The following CPZ variants were observed in gnomAD, a reference collection of about 807,000 sequenced individuals.
CPZ encodes the protein carboxypeptidase Z, also known as VEZT/CPZ fusion.
CPZ carries 103 observed loss-of-function variants against 61.8 expected under a neutral mutation model. The ratio of observed to expected loss-of-function variants is 1.67; its 90% CI spans 1.42 to 1.96. The LOEUF (loss-of-function observed/expected upper bound fraction) is 1.96. CPZ is among the 30% of genes most tolerant of loss of function. CPZ has a pLI of 0.00. For synonymous variants in CPZ, 551 were observed against 373.7 expected, an observed-to-expected ratio of 1.47 and a Z score of -5.47; for missense variants, 1,461 against 914.9, an observed-to-expected ratio of 1.60 and a Z score of -7.70.
intron 2 of CPZ, 116 bp downstream of exon 2, chr4:8,599,601 A>G: frequency 1.3e-6 from 2 of 1,529,242 alleles, no homozygotes; most frequent in Non-Finnish European, 1.8e-6. Context: ...TGGATAACAC[A>G]GCCCATTAAT....
intron 4 of CPZ, among the ~76,000 whole-genome samples, chr4:8,605,615 C>T (rs897701844): frequency 3.6e-4 from 51 of 141,706 alleles, no homozygotes; most frequent in African/African-American, 1.3e-3. Context: ...TCCATCCATC[C>T]ATCCATCCAT....
rs761694641 is a variant in CPZ at position 8,606,786 on chromosome 4, T to C, written c.956T>C (p.Leu319Pro). 3.7e-6 allele frequency: 6 copies of C among 1,614,060 alleles called. No individual in the cohort carries two copies. In the Admixed American group the frequency reaches 1.0e-4, roughly 27 times the overall value. ...AGCGGGAGGCAGAACGCGCAGAACC[T>C]GGATCTGAACCGAAATTTCCCGGAC... Reference protein sequence around the residue: ...WTSGRQNAQNLDLNRNFPDLT... With the variant: ...WTSGRQNAQNPDLNRNFPDLT... Residue 319 changes from leucine to proline, a missense_variant, in exon 6 of 11, where the codon CTG becomes CCG. Leu to Pro is a moderately conservative substitution (Grantham distance 98, BLOSUM62 -3). Transcript: ENST00000360986.
intron 6 of CPZ, 134 bp from the exon 7 acceptor site, chr4:8,607,133 C>T: frequency 8.5e-7 from 1 of 1,172,190 alleles, no homozygotes. Context: ...GGGGCCGAGT[C>T]CAGCTGGTGC....
chr4:8,615,833 G>T (rs3756160), intron 9 of CPZ, among the ~76,000 whole-genome samples: 1 of 151,992 alleles, frequency 6.6e-6, no homozygotes, highest in African/African-American at 2.4e-5. Flanking sequence ...AGAATCGAGC[G>T]AACTCCCTGG....
In CPZ at chr4:8,601,117, C is replaced by T. The variant is rs774872967; in HGVS notation, c.122-6C>T. 10 of 1,562,004 alleles carry T rather than the reference C, an allele frequency of 6.4e-6. No homozygotes were observed. The East Asian group carries it at 2.0e-4, about 32-fold the overall frequency. ...AGGGACTGACCTGCCGACCCTGCCT[C>T]CCCAGCCACCTGCGTGGACCTGCAG... is the stretch of plus-strand genomic sequence containing the variant. On this transcript the variant is annotated splice_polypyrimidine_tract_variant and splice_region_variant and intron_variant, in intron 2 of 10. Coordinates refer to ENST00000360986, the MANE Select transcript of CPZ (RefSeq NM_001014447.3).
Position 8,619,523 on chromosome 4 carries a change from G to C in CPZ, c.1865G>C (p.Arg622Pro), listed in dbSNP as rs144042196. The change falls in exon 11 of 11, where the codon CGC (arginine) becomes CCC (proline). Residue 622 changes from arginine (R) to proline (P), a missense_variant. Physicochemically the swap from Arg to Pro is moderately radical, Grantham distance 103. Transcript: ENST00000360986. ...EATEPDPLRARRQPSADGSKP... is the reference protein window; with the variant it reads ...EATEPDPLRAPRQPSADGSKP... ...ACGGAGCCCGACCCGCTCCGGGCGC[G>C]CAGGCAGCCCTCGGCCGACGGGAGT... 1 of 1,592,716 alleles carries C rather than the reference G, an allele frequency of 6.3e-7. No individual in the cohort carries two copies. Among genetic ancestry groups the C allele is most frequent in the East Asian group, 2.2e-5 (1 of 44,520 alleles).
At chr4:8,597,539 A>G (rs948805629) in intron 1 of CPZ, 2 of 152,212 alleles carry the variant, frequency 1.3e-5, no homozygotes, top group African/African-American at 4.8e-5. Context: ...GGGGGACTCA[A>G]GCTCCTCTGT....
chr4:8,594,333 C>G (rs146448960), intron 1 of CPZ, among the ~76,000 whole-genome samples: 1 of 152,236 alleles, frequency 6.6e-6, no homozygotes, highest in African/African-American at 2.4e-5. Flanking sequence ...GTCTCGCCAT[C>G]TGGGTCTTGC....
At chr4:8,609,319 ATTCACTCACTTT>A (rs1396188938) in intron 7 of CPZ, among the ~76,000 whole-genome samples, 102 of 123,980 alleles carry the variant, frequency 8.2e-4, no homozygotes, top group Middle Eastern at 4.4e-3. Flanking sequence ...TCATGCACTT[ATTCACTCACTTT>A]TTCACTCACT....
At chr4:8,614,865 C>G (rs1035722488) in intron 9 of CPZ, among the ~76,000 whole-genome samples, 1 of 151,832 alleles carries the variant, frequency 6.6e-6, no homozygotes, top group South Asian at 2.1e-4. Context: ...AGGGCTTCAT[C>G]TTGAAGAAGG....
chr4:8,593,485 C>T (rs907506285), intron 1 of CPZ, among the ~76,000 whole-genome samples: 2 of 152,170 alleles, frequency 1.3e-5, no homozygotes, highest in Non-Finnish European at 2.9e-5. Flanking sequence ...TCTGCCCGCA[C>T]GACCTCACCC....
At chr4:8,611,618 C>T (rs192126458) in intron 7 of CPZ, among the ~76,000 whole-genome samples, 151 of 152,224 alleles carry the variant, frequency 9.9e-4, no homozygotes, top group African/African-American at 3.3e-3. Context: ...GAGATGAAGT[C>T]GGGGAAAATG....
chr4:8,595,952 G>T (rs995362840), intron 1 of CPZ, among the ~76,000 whole-genome samples: 1 of 152,230 alleles, frequency 6.6e-6, no homozygotes, highest in African/African-American at 2.4e-5. Flanking sequence ...GCCACCAGGA[G>T]CCGGGAGGGG....
intron 8 of CPZ, among the ~76,000 whole-genome samples, chr4:8,613,409 C>T (rs559742187): frequency 1.3e-5 from 2 of 152,324 alleles, no homozygotes; most frequent in South Asian, 2.1e-4. Context: ...GGATTATAGG[C>T]GTGAGCCACT....
chr4:8,599,717 G>A, intron 2 of CPZ: 1 of 1,108,416 alleles, frequency 9.0e-7, no homozygotes, highest in Non-Finnish European at 1.2e-6. Context: ...GCCCACCCCA[G>A]CCCCTGCAGA....
chr4:8,601,390 A>C lies in CPZ; in HGVS notation c.389A>C (p.Gln130Pro). 6.3e-7 allele frequency: 1 copy of C among 1,594,834 alleles called. No individual in the cohort carries two copies. Among genetic ancestry groups the C allele is most frequent in the South Asian group, 1.1e-5 (1 of 89,250 alleles). ...TGCGAGGGCCTGCGGGAGGTCTGCC[A>C]GCCCGCCTTCGACGCCATTGACATG... ...HICEGLREVCQPAFDAIDMAW... is the reference protein window; with the variant it reads ...HICEGLREVCPPAFDAIDMAW... Residue 130 changes from glutamine (Q) to proline (P), a missense_variant, in exon 3 of 11, where the codon CAG becomes CCG. Coordinates refer to ENST00000360986, the MANE Select transcript of CPZ (RefSeq NM_001014447.3).
At chr4:8,615,022 A>C (rs1192884364) in intron 9 of CPZ, among the ~76,000 whole-genome samples, 1 of 151,818 alleles carries the variant, frequency 6.6e-6, no homozygotes, top group Non-Finnish European at 1.5e-5. Flanking sequence ...GTGCTCCAGG[A>C]GGCGCAGAAG....
At chr4:8,613,234 C>T (rs752468733) in intron 8 of CPZ, among the ~76,000 whole-genome samples, 3 of 151,520 alleles carry the variant, frequency 2.0e-5, no homozygotes, top group Non-Finnish European at 2.9e-5. Flanking sequence ...CGGGTTCAAG[C>T]GATTCTCCTG....
chr4:8,597,910 C>T (rs537066842), intron 1 of CPZ, among the ~76,000 whole-genome samples: 10 of 152,328 alleles, frequency 6.6e-5, no homozygotes, highest in South Asian at 2.1e-4. Flanking sequence ...CCGGGGCCCC[C>T]GGCTGTGATG....
Sources: gnomAD v4.1 joint callset for allele counts (sites outside exome capture counted in the v4.1 genomes callset) on GRCh38, gnomAD v4.1.1 for gene constraint, MANE v1.5 for transcripts, NCBI Gene and HGNC (gene_info 2026-07-23, HGNC 2026-07-21) for gene names.